NECAP1: variants seen among roughly 807,000 people sequenced by gnomAD.
NECAP1 encodes NECAP endocytosis associated 1.
Under a neutral mutation model 33.4 loss-of-function variants are expected in NECAP1, and 13 were observed. The ratio of observed to expected loss-of-function variants is 0.39; its 90% confidence interval spans 0.25 to 0.62. The LOEUF (loss-of-function observed/expected upper bound fraction) is 0.62. Among genes scored for constraint, NECAP1 ranks in the 20% least tolerant of loss-of-function variants. The probability of loss-of-function intolerance (pLI) is 0.52; values close to 1 mark genes in which losing one functional copy is unlikely to be tolerated. For synonymous variants in NECAP1, 109 were observed against 125.2 expected (o/e 0.87, Z 0.86); for missense variants, 272 against 347.4 (o/e 0.78, Z 1.73).
In NECAP1 at chr12:8,092,912, C is replaced by A. The variant is rs2120486326; in HGVS notation, c.533C>A (p.Thr178Asn). ...AAAGGAGGTGCTTCTAAGCCCAGGA[C>A]TGCAAGGGGTGGGGGTCTGAGCTTA... ...NKKGGASKPR[T>N]ARGGGLSLLP... Residue 178 changes from threonine to asparagine, a missense_variant, in exon 6 of 8, where the codon ACT becomes AAT. By Grantham distance (65) the Thr-to-Asn change is moderately conservative. Transcript: ENST00000339754. 1.3e-6 allele frequency: 2 copies of A among 1,585,718 alleles called. No individual in the cohort carries two copies. The highest frequency in any genetic ancestry group is 1.8e-5 in the Admixed American group (1 of 55,018).
In NECAP1 at chr12:8,090,346, G is replaced by T. The variant is rs772875738; in HGVS notation, c.301+47G>T. The T allele has an allele frequency of 4.1e-6, 6 of 1,476,610 alleles. No homozygotes were observed. In the East Asian group the frequency reaches 6.8e-5, roughly 17 times the overall value. 91.5% of individuals were successfully genotyped at this position (1,476,610 alleles called of 1,614,324 possible). A position where few individuals can be genotyped will look rare whatever the true frequency, so the allele number is the denominator to read the frequency against. On this transcript the variant is annotated intron_variant, in intron 3 of 7. Coordinates refer to ENST00000339754, the MANE Select transcript of NECAP1 (RefSeq NM_015509.4). ...GTGGAACGAAGTTAGGAAAACAGGT[G>T]AATGCACAGCCATGAAAAGTGTTTC...
At chr12:8,086,265 C>T (rs972115060) in intron 1 of NECAP1, among the ~76,000 whole-genome samples, 1 of 152,148 alleles carries the variant, frequency 6.6e-6, no homozygotes, top group East Asian at 1.9e-4. Context: ...TGTTCGTTCC[C>T]AGACTTTCAC....
Position 8,091,848 on chromosome 12 carries a change from CAAGT to C in NECAP1, c.382_383+2del, listed in dbSNP as rs753911515. 6.2e-7 allele frequency: 1 copy of C among 1,612,480 alleles called. No individual in the cohort carries two copies. The highest frequency in any genetic ancestry group is 1.1e-5 in the South Asian group (1 of 90,548). ...TTAATGTCTCCTTGCAGGATCACTT[CAAGT>C]GAGTGAAGCTTGTCCTTAGTTACGA... On this transcript the variant is annotated splice_donor_variant and coding_sequence_variant, in exon 4 of 8. Coordinates refer to ENST00000339754, the MANE Select transcript of NECAP1 (RefSeq NM_015509.4). LOFTEE classifies it high-confidence loss of function.
intron 6 of NECAP1, 43 bp downstream of exon 6, chr12:8,093,098 T>C: frequency 6.3e-7 from 1 of 1,575,742 alleles, no homozygotes; most frequent in Non-Finnish European, 8.7e-7. Flanking sequence ...AATCTTATGT[T>C]TTAATTAAGC....
chr12:8,084,672 T>G (rs1947471696), intron 1 of NECAP1, among the ~76,000 whole-genome samples: 1 of 152,184 alleles, frequency 6.6e-6, no homozygotes, highest in Non-Finnish European at 1.5e-5. Flanking sequence ...GCATAGCACT[T>G]TATTCTTATC....
In NECAP1 at chr12:8,082,380, A is replaced by G. The variant is rs1248956053; in HGVS notation, c.92A>G (p.Tyr31Cys). ...CCGCCCCGGGCCTCCAACCGCGGTT[A>G]CAGGTACTAACCCCGAGGCGCTGCC... ...RIPPRASNRG[Y>C]RASDWKLDQP... Residue 31 changes from tyrosine (Y) to cysteine (C), a missense_variant, in exon 1 of 8, where the codon TAC (tyrosine) becomes TGC (cysteine). Tyr to Cys is a radical substitution (Grantham distance 194, BLOSUM62 -2). Coordinates refer to ENST00000339754, the MANE Select transcript of NECAP1 (RefSeq NM_015509.4). The G allele has an allele frequency of 2.5e-6, 4 of 1,613,674 alleles. No individual in the cohort carries two copies. The highest frequency in any genetic ancestry group is 2.5e-6 in the Non-Finnish European group (3 of 1,179,636).
chr12:8,086,212 A>T (rs900825329), intron 1 of NECAP1, among the ~76,000 whole-genome samples: 2 of 152,186 alleles, frequency 1.3e-5, no homozygotes, highest in Non-Finnish European at 2.9e-5. Flanking sequence ...AGTGACTGGT[A>T]AGATTAGAGA....
chr12:8,093,286 A>AT lies in NECAP1; in HGVS notation c.676+238dup, dbSNP rs1218808007. ...GCTTATTAAAATGACAATTTCCTTC[A>AT]TTTTTTTCTTGGTTAGATGCTTATA... On this transcript the variant is annotated intron_variant, in intron 6 of 7. Coordinates refer to ENST00000339754, the MANE Select transcript of NECAP1 (RefSeq NM_015509.4). 11 of 503,856 alleles carry AT rather than the reference A, an allele frequency of 2.2e-5. No homozygotes were observed. In the East Asian group the frequency reaches 2.5e-4, roughly 12 times the overall value. 31.2% of individuals were successfully genotyped at this position (503,856 alleles called of 1,614,324 possible).
intron 3 of NECAP1, chr12:8,090,712 A>T: frequency 6.1e-6 from 1 of 162,870 alleles, no homozygotes; most frequent in Non-Finnish European, 1.4e-5. Context: ...GGTGGCTGAG[A>T]CAGGAGAATC....
intron 4 of NECAP1, 190 bp from the exon 5 acceptor site, chr12:8,092,486 A>G (rs1226548074): frequency 1.1e-5 from 6 of 544,314 alleles, no homozygotes. Flanking sequence ...GATTTCTCAG[A>G]GAGTCCCCAG....
chr12:8,093,374 C>T (rs1947567482), intron 6 of NECAP1: 2 of 293,778 alleles, frequency 6.8e-6, no homozygotes, highest in Admixed American at 9.8e-5. Context: ...TTTGAATGTG[C>T]TTGGTAAACA....
chr12:8,087,650 A>G (rs1191574722), intron 1 of NECAP1, among the ~76,000 whole-genome samples: 1 of 151,748 alleles, frequency 6.6e-6, no homozygotes, highest in African/African-American at 2.4e-5. Context: ...TGGCCTCCCA[A>G]AGTGCTGGTT....
rs879232713 is a variant in NECAP1, at chr12:8,092,940, C to G, written c.561C>G (p.Leu187=). 1 of 1,602,844 alleles carries G rather than the reference C, an allele frequency of 6.2e-7. No individual in the cohort carries two copies. The highest frequency in any genetic ancestry group is 1.1e-5 in the South Asian group (1 of 88,972). Residue 187 remains leucine, a synonymous_variant, in exon 6 of 8, where the codon CTC becomes CTG. Transcript: ENST00000339754. The part of the protein sequence containing the change: ...RTARGGGLSL[L]PPPPGGKVTI... ...CAAGGGGTGGGGGTCTGAGCTTACT[C>G]CCACCCCCGCCAGGAGGCAAAGTCA...
intron 6 of NECAP1, chr12:8,095,148 T>G (rs1947582880): frequency 6.1e-6 from 1 of 163,694 alleles, no homozygotes; most frequent in South Asian, 1.5e-4. Context: ...GACATCTAGG[T>G]TGTTTACAGT....
chr12:8,095,580 C>G (rs747135229), intron 6 of NECAP1, 21 bp from the exon 7 acceptor site: 1 of 1,584,244 alleles, frequency 6.3e-7, no homozygotes, highest in Admixed American at 1.7e-5. Flanking sequence ...TTTCTTTTTT[C>G]TTTTCTTACC....
intron 6 of NECAP1, chr12:8,093,847 T>C (rs140855372): frequency 1.3e-4 from 20 of 152,318 alleles, no homozygotes; most frequent in African/African-American, 4.8e-4. Context: ...TGGAACATAG[T>C]AGGCATTTAG....
In NECAP1 at chr12:8,097,209, T is replaced by C. The variant is rs2120500087; in HGVS notation, c.*1119T>C. The stretch of plus-strand genomic sequence containing the variant: ...TTTGATACCTGTCACCCAGGGTATC[T>C]TAAAAGCAAGTTGTTCTCCCACTAC... On this transcript the variant is annotated 3_prime_UTR_variant, in exon 8 of 8. Coordinates refer to ENST00000339754, the MANE Select transcript of NECAP1 (RefSeq NM_015509.4). The C allele has an allele frequency of 6.5e-6, 1 of 152,762 alleles. No homozygotes were observed. The highest frequency in any genetic ancestry group is 2.1e-4 in the South Asian group (1 of 4,824). 9.5% of individuals were successfully genotyped at this position (152,762 alleles called of 1,614,324 possible). A position where few individuals can be genotyped will look rare whatever the true frequency, so the allele number is the denominator to read the frequency against.
chr12:8,096,792 GT>G lies in NECAP1; in HGVS notation c.*704del, dbSNP rs56171289. The G allele has an allele frequency of 0.94, 144,094 of 152,720 alleles. 68,544 individuals carry two copies. The highest frequency in any genetic ancestry group is 1 in the East Asian group (5,178 of 5,178). The allele number at this position is 152,720 out of a possible 1,614,324, so 9.5% of individuals were successfully genotyped here. A position where few individuals can be genotyped will look rare whatever the true frequency, so the allele number is the denominator to read the frequency against. On this transcript the variant is annotated 3_prime_UTR_variant, in exon 8 of 8. Transcript: ENST00000339754. Reference sequence around the variant, plus strand: ...TTTCTGTTTGTTGAGTTTGAATTGTGTTAACATCTTTGATCAGTGGGTGTAT... The same window carrying G: ...TTTCTGTTTGTTGAGTTTGAATTGTGTAACATCTTTGATCAGTGGGTGTAT...
At chr12:8,095,236 T>C (rs1947583706) in intron 6 of NECAP1, 1 of 43,090 alleles carries the variant, frequency 2.3e-5, no homozygotes, top group South Asian at 4.8e-4. Flanking sequence ...ATCTCCAAGA[T>C]TTTTTTTTTT....
Sources: allele counts gnomAD v4.1 joint callset (sites outside exome capture counted in the v4.1 genomes callset), GRCh38; gene constraint gnomAD v4.1.1; transcripts MANE v1.5; gene names NCBI Gene and HGNC (gene_info 2026-07-23, HGNC 2026-07-21).